The following NAALADL2 variants were observed in gnomAD, a reference collection of about 807,000 sequenced individuals.
NAALADL2 encodes the protein inactive N-acetylated-alpha-linked acidic dipeptidase-like protein 2.
Under a neutral mutation model 87.2 loss-of-function variants are expected in NAALADL2, and 76 were observed. That is an observed-to-expected ratio of 0.87 (90% CI 0.72 to 1.05). NAALADL2 has a LOEUF of 1.05. NAALADL2 is among the 50% of genes least tolerant of loss of function. The pLI, the probability that NAALADL2 is intolerant of heterozygous loss-of-function variation, is 0.00. For missense variants in NAALADL2, 1,089 were observed against 945.8 expected (o/e 1.15, Z -1.99); for synonymous variants, 354 against 331.0 (o/e 1.07, Z -0.75).
At chr3:175,517,898 G>T (rs1299342977) in intron 9 of NAALADL2, among the ~76,000 whole-genome samples, 1 of 152,146 alleles carries the variant, frequency 6.6e-6, no homozygotes, top group East Asian at 1.9e-4. Flanking sequence ...GTTGAACCAG[G>T]TGTGATATTT....
intron 3 of NAALADL2, among the ~76,000 whole-genome samples, chr3:175,238,962 C>T (rs1013794551): frequency 6.6e-6 from 1 of 152,140 alleles, no homozygotes; most frequent in Non-Finnish European, 1.5e-5. Flanking sequence ...AGAGGAGTGC[C>T]CCTTTTCTTG....
intron 9 of NAALADL2, among the ~76,000 whole-genome samples, chr3:175,539,682 T>A (rs1711956543): frequency 6.6e-6 from 1 of 152,012 alleles, no homozygotes; most frequent in Non-Finnish European, 1.5e-5. Flanking sequence ...CTTGACAGAA[T>A]CATAATAGGG....
chr3:175,668,183 T>G (rs1179106551), intron 11 of NAALADL2, among the ~76,000 whole-genome samples: 5 of 152,180 alleles, frequency 3.3e-5, no homozygotes. Context: ...CTGATTACCT[T>G]GGAATTTTTA....
At chr3:175,497,188 CTCAGCCTCCCCGAGTAGCTGAGACTT>C (rs1728937531) in intron 9 of NAALADL2, among the ~76,000 whole-genome samples, 1 of 152,112 alleles carries the variant, frequency 6.6e-6, no homozygotes, top group Non-Finnish European at 1.5e-5. Flanking sequence ...ATCCTCCTGC[CTCAGCCTCCCCGAGTAGCTGAGACTT>C]ACAGGCACCT....
At chr3:174,880,269 A>G (rs1284267097) in intron 1 of NAALADL2, among the ~76,000 whole-genome samples, 1 of 151,966 alleles carries the variant, frequency 6.6e-6, no homozygotes, top group East Asian at 1.9e-4. Flanking sequence ...TCTCTCCCAA[A>G]CCTATTCTGG....
intron 1 of NAALADL2, among the ~76,000 whole-genome samples, chr3:174,450,461 C>T (rs1257131034): frequency 2.0e-5 from 3 of 152,150 alleles, no homozygotes; most frequent in African/African-American, 7.2e-5. Context: ...ATCTCATTGT[C>T]CAGATACAGT....
chr3:174,773,081 C>G (rs1341932375), intron 3 of NAALADL2, among the ~76,000 whole-genome samples: 1 of 151,946 alleles, frequency 6.6e-6, no homozygotes, highest in Non-Finnish European at 1.5e-5. Flanking sequence ...GTGTGCTGAC[C>G]TAAAGTGACA....
chr3:175,243,581 C>T (rs973891368), intron 3 of NAALADL2, among the ~76,000 whole-genome samples: 1 of 119,780 alleles, frequency 8.3e-6, no homozygotes. Context: ...ATTTTACTAG[C>T]ATACAGCTGC....
At chr3:174,441,586 A>C (rs1294069885) in intron 1 of NAALADL2, among the ~76,000 whole-genome samples, 2 of 152,210 alleles carry the variant, frequency 1.3e-5, no homozygotes, top group Non-Finnish European at 2.9e-5. Context: ...AAGGAAGTTT[A>C]TGAGAAGCCA....
chr3:175,026,447 C>G (rs1392250055), intron 1 of NAALADL2, among the ~76,000 whole-genome samples: 1 of 144,982 alleles, frequency 6.9e-6, no homozygotes, highest in Non-Finnish European at 1.5e-5. Context: ...GAGTTCGAGA[C>G]CAGCCTGGCC....
chr3:175,198,814 G>C lies in NAALADL2; in HGVS notation c.546-35117G>C, dbSNP rs564837009. On this transcript the variant is annotated intron_variant, in intron 2 of 13. Transcript: ENST00000454872. ...TTTTTTTTTTTTCCCAAAAACTCAG[G>C]ATTTTCATAAGGTCACCATTATTTT... Among the ~76,000 whole-genome samples, 6 of 151,020 alleles carry C rather than the reference G, an allele frequency of 4.0e-5. No individual in the cohort carries two copies. The South Asian group carries it at 1.3e-3, about 32-fold the overall frequency.
intron 1 of NAALADL2, among the ~76,000 whole-genome samples, chr3:175,043,357 G>A (rs1411765179): frequency 6.6e-6 from 1 of 152,102 alleles, no homozygotes; most frequent in East Asian, 1.9e-4. Context: ...TCCTGCCTCA[G>A]CCTCGTAAGT....
intron 4 of NAALADL2, among the ~76,000 whole-genome samples, chr3:175,259,809 C>T (rs914839335): frequency 3.9e-5 from 6 of 152,096 alleles, no homozygotes; most frequent in African/African-American, 7.2e-5. Context: ...CTTTGGATCA[C>T]GTAAGCCCAG....
chr3:174,629,330 A>G (rs1438078644), intron 2 of NAALADL2, among the ~76,000 whole-genome samples: 3 of 152,224 alleles, frequency 2.0e-5, no homozygotes, highest in Non-Finnish European at 4.4e-5. Context: ...ACAAGTGCCT[A>G]AAAGCAATTT....
At chr3:175,340,521 A>T (rs1581490884) in intron 5 of NAALADL2, among the ~76,000 whole-genome samples, 1 of 152,162 alleles carries the variant, frequency 6.6e-6, no homozygotes, top group African/African-American at 2.4e-5. Flanking sequence ...TATGGGACCT[A>T]GATCAAGTTG....
At chr3:174,794,427 T>G (rs532605612) in intron 3 of NAALADL2, among the ~76,000 whole-genome samples, 1 of 152,142 alleles carries the variant, frequency 6.6e-6, no homozygotes, top group East Asian at 1.9e-4. Context: ...TAATGAAGGA[T>G]GGGGAATGAA....
At chr3:174,798,802 T>C (rs1482149076) in intron 3 of NAALADL2, among the ~76,000 whole-genome samples, 1 of 152,188 alleles carries the variant, frequency 6.6e-6, no homozygotes, top group East Asian at 1.9e-4. Context: ...CATTTATTTA[T>C]TAGTTCTAAT....
At chr3:175,595,832 T>G (rs375658041) in intron 10 of NAALADL2, among the ~76,000 whole-genome samples, 1 of 152,062 alleles carries the variant, frequency 6.6e-6, no homozygotes, top group African/African-American at 2.4e-5. Flanking sequence ...AATTTATAGA[T>G]TCAACACTAT....
rs114791194 is a variant in NAALADL2, at chr3:174,597,237, G to A, written c.-115+46600G>A. ...GCACATGCTTAATTCTTTCAGCAAT[G>A]AGTTGTAACAACAGGAGTCTAGTAG... is the stretch of plus-strand genomic sequence containing the variant. On this transcript the variant is annotated intron_variant, in intron 2 of 3. Transcript: ENST00000434257. 2.2e-3 allele frequency among the ~76,000 whole-genome samples: 337 copies of A among 152,270 alleles called. 4 individuals are homozygous for A. The highest frequency in any genetic ancestry group is 3.9e-3 in the Admixed American group (60 of 15,286).
Sources: gnomAD v4.1 joint callset for allele counts (sites outside exome capture counted in the v4.1 genomes callset) on GRCh38, gnomAD v4.1.1 for gene constraint, MANE v1.5 for transcripts, NCBI Gene and HGNC (gene_info 2026-07-23, HGNC 2026-07-21) for gene names.